Variants in CALB1 observed in about 807,000 individuals in gnomAD.
CALB1 encodes calbindin.
CALB1 carries 16 observed loss-of-function variants against 46.7 expected under a neutral mutation model. The ratio of observed to expected loss-of-function variants is 0.34; its 90% CI spans 0.23 to 0.52. CALB1 has a LOEUF of 0.52. CALB1 is among the 20% of genes least tolerant of loss of function. The probability of loss-of-function intolerance (pLI) is 0.95; values close to 1 mark genes in which losing one functional copy is unlikely to be tolerated. For missense variants in CALB1, 224 were observed against 300.3 expected (o/e 0.75, Z 1.88); for synonymous variants, 90 against 112.8 (o/e 0.80, Z 1.28).
rs765536208 is a variant in CALB1 at position 90,082,711 on chromosome 8, G to A, written c.-14C>T. ...GGATTCTGCCATTGTACAGCGGGGT[G>A]TGTGTCTGGGTGTGTGAATATGCGT... On this transcript the variant is annotated 5_prime_UTR_variant, in exon 1 of 11. Coordinates refer to ENST00000265431, the MANE Select transcript of CALB1 (RefSeq NM_004929.4). 111 of 1,608,524 alleles carry A rather than the reference G, an allele frequency of 6.9e-5. No individual in the cohort carries two copies. The highest frequency in any genetic ancestry group is 8.9e-5 in the Non-Finnish European group (105 of 1,174,966).
At chr8:90,081,877 G>T in intron 2 of CALB1, 149 bp downstream of exon 2, 1 of 525,166 alleles carries the variant, frequency 1.9e-6, no homozygotes. Flanking sequence ...TATTCGAGTT[G>T]GAAAAGTGTT....
chr8:90,073,411 C>T (rs897862944), intron 3 of CALB1, among the ~76,000 whole-genome samples: 2 of 152,126 alleles, frequency 1.3e-5, no homozygotes, highest in South Asian at 2.1e-4. Flanking sequence ...AAAGGCCCAA[C>T]GGTCTCACTC....
intron 2 of CALB1, among the ~76,000 whole-genome samples, chr8:90,081,014 G>A (rs2130254914): frequency 6.6e-6 from 1 of 152,192 alleles, no homozygotes; most frequent in Middle Eastern, 3.4e-3. Flanking sequence ...CCTTCTGAAA[G>A]GCAGTGTTAC....
chr8:90,075,785 G>A (rs1264596354), intron 3 of CALB1, among the ~76,000 whole-genome samples: 2 of 151,932 alleles, frequency 1.3e-5, no homozygotes, highest in Non-Finnish European at 2.9e-5. Context: ...AACTATTGAA[G>A]CAATCTCCTA....
chr8:90,063,150 T>G lies in CALB1; in HGVS notation c.550A>C (p.Ile184Leu). 1 of 1,605,374 alleles carries G rather than the reference T, an allele frequency of 6.2e-7. No individual in the cohort carries two copies. Among genetic ancestry groups the G allele is most frequent in the Non-Finnish European group, 8.5e-7 (1 of 1,172,768 alleles). The change falls in exon 9 of 11, where the codon ATC becomes CTC. Residue 184 changes from isoleucine to leucine, a missense_variant. By Grantham distance (5) the Ile-to-Leu change is conservative. Transcript: ENST00000265431. ...TTGAACTCTTTCCCACACATTTTGATTCCCTAAAGATAGAGAAGAGAGTAA... is the reference window on the plus strand; with the variant it reads ...TTGAACTCTTTCCCACACATTTTGAGTCCCTAAAGATAGAGAAGAGAGTAA... ...QENFLLKFQG[I>L]KMCGKEFNKA...
rs201527624 is a variant in CALB1 at position 90,071,294 on chromosome 8, TC to T, written c.232-2058del. ...TTTCCTTATAAAAATCCCTTTTTTT[TC>T]CTCATCTGTAAGTGGGCTCCTAGTG... is the stretch of plus-strand genomic sequence containing the variant. On this transcript the variant is annotated intron_variant, in intron 3 of 10. Transcript: ENST00000265431. Among the ~76,000 whole-genome samples, 353 of 152,318 alleles carry T rather than the reference TC, an allele frequency of 2.3e-3. 2 individuals are homozygous for T. The highest frequency in any genetic ancestry group is 7.4e-3 in the African/African-American group (306 of 41,572).
intron 6 of CALB1, 85 bp from the exon 7 acceptor site, chr8:90,063,546 AG>A: frequency 8.9e-7 from 1 of 1,121,688 alleles, no homozygotes; most frequent in Non-Finnish European, 1.3e-6. Flanking sequence ...AAGCTGTTTG[AG>A]TTATCAACTA....
chr8:90,075,981 T>G (rs1470044127), intron 3 of CALB1, among the ~76,000 whole-genome samples: 1 of 152,114 alleles, frequency 6.6e-6, no homozygotes, highest in African/African-American at 2.4e-5. Context: ...TTCGACCTTT[T>G]CGGGCTTCAG....
intron 5 of CALB1, among the ~76,000 whole-genome samples, chr8:90,068,780 A>C (rs1216245877): frequency 1.3e-5 from 2 of 152,200 alleles, no homozygotes; most frequent in Non-Finnish European, 2.9e-5. Context: ...TACACCACAA[A>C]AAATGTTAAT....
At chr8:90,066,685 C>A (rs1333655341) in intron 5 of CALB1, among the ~76,000 whole-genome samples, 3 of 151,974 alleles carry the variant, frequency 2.0e-5, no homozygotes, top group African/African-American at 7.2e-5. Flanking sequence ...TAACTTGACA[C>A]CTGGAGCTTA....
chr8:90,068,139 A>G (rs917157008), intron 5 of CALB1, among the ~76,000 whole-genome samples: 1 of 152,206 alleles, frequency 6.6e-6, no homozygotes, highest in Non-Finnish European at 1.5e-5. Flanking sequence ...CATGAATAAT[A>G]TAATTTATTT....
chr8:90,078,593 A>C (rs16902840), intron 2 of CALB1, 146 bp from the exon 3 acceptor site: 7,261 of 562,546 alleles, frequency 0.013, 394 homozygotes, highest in African/African-American at 0.13. Flanking sequence ...AAAAAAATTA[A>C]AGGCATAACT....
chr8:90,076,924 G>T (rs747298470), intron 3 of CALB1, among the ~76,000 whole-genome samples: 6 of 151,806 alleles, frequency 4.0e-5, no homozygotes, highest in Non-Finnish European at 5.9e-5. Context: ...TATCACTGAA[G>T]AAATGAAATT....
chr8:90,062,839 G>A (rs1814327904), intron 9 of CALB1: 1 of 323,772 alleles, frequency 3.1e-6, no homozygotes, highest in Non-Finnish European at 5.7e-6. Flanking sequence ...TCTGCATGAT[G>A]CCACTTGTAT....
Position 90,062,927 on chromosome 8 carries a change from C to T in CALB1, c.600+173G>A, listed in dbSNP as rs568713264. 1.2e-5 allele frequency: 6 copies of T among 518,396 alleles called. No homozygotes were observed. The Admixed American group carries it at 2.2e-4, about 19-fold the overall frequency. The allele number at this position is 518,396 out of a possible 1,614,324, so 32.1% of individuals were successfully genotyped here. ...GGGGAAGGAGAAATGACGAGTTACTCATCAATGGGCATAAAGTCTCAATTA... is the reference window on the plus strand; with the variant it reads ...GGGGAAGGAGAAATGACGAGTTACTTATCAATGGGCATAAAGTCTCAATTA... On this transcript the variant is annotated intron_variant, in intron 9 of 10. Transcript: ENST00000265431.
At chr8:90,063,808 AAAAT>A in intron 6 of CALB1, 1 of 192,074 alleles carries the variant, frequency 5.2e-6, no homozygotes, top group Non-Finnish European at 1.1e-5. Flanking sequence ...CTCCAATAAG[AAAAT>A]AAATATTTAT....
Position 90,078,428 on chromosome 8 carries a change from T to C in CALB1, c.176A>G (p.Lys59Arg). Residue 59 changes from lysine to arginine, a missense_variant, in exon 3 of 11, where the codon AAA becomes AGA. Physicochemically the swap from Lys to Arg is conservative, Grantham distance 26. Coordinates refer to ENST00000265431, the MANE Select transcript of CALB1 (RefSeq NM_004929.4). The part of the protein sequence containing the change: ...KAGLELSPEM[K>R]TFVDQYGQRD... The stretch of plus-strand genomic sequence containing the variant: ...TTGCCCATACTGATCCACAAAAGTT[T>C]TCATTTCAGGTGATAACTCCTAAAA... The C allele has an allele frequency of 6.3e-7, 1 of 1,585,200 alleles. No homozygotes were observed. The highest frequency in any genetic ancestry group is 1.1e-5 in the South Asian group (1 of 88,544).
chr8:90,060,179 A>T lies in CALB1; in HGVS notation c.780T>A (p.Asp260Glu). ...TDLALILCAG[D>E]N ...GTGGTTGCGGCCACCAACTCTAGTT[A>T]TCCCCAGCACAGAGAATAAGAGCAA... Residue 260 changes from aspartate (D) to glutamate (E), a missense_variant, in exon 11 of 11, where the codon GAT (aspartate) becomes GAA (glutamate). Asp to Glu is a conservative substitution (Grantham distance 45, BLOSUM62 2). Transcript: ENST00000265431. 1 of 1,607,702 alleles carries T rather than the reference A, an allele frequency of 6.2e-7. No individual in the cohort carries two copies.
intron 9 of CALB1, chr8:90,062,227 T>C (rs1814314527): frequency 6.6e-6 from 1 of 152,010 alleles, no homozygotes; most frequent in Non-Finnish European, 1.5e-5. Flanking sequence ...TCTAAAACTG[T>C]AAAACTCCTA....
Sources: allele counts gnomAD v4.1 joint callset (sites outside exome capture counted in the v4.1 genomes callset), GRCh38; gene constraint gnomAD v4.1.1; transcripts MANE v1.5; gene names NCBI Gene and HGNC (gene_info 2026-07-23, HGNC 2026-07-21).